Variants in CHSY1 observed in about 807,000 individuals in gnomAD.
CHSY1 encodes the protein N-acetylgalactosaminyl-proteoglycan 3-beta-glucuronosyltransferase 1.
CHSY1 carries 13 observed loss-of-function variants against 59.8 expected under a neutral mutation model. That is an observed-to-expected ratio of 0.22 (90% CI 0.14 to 0.35). CHSY1 has a LOEUF of 0.35. CHSY1 is among the 10% of genes least tolerant of loss of function. The probability of loss-of-function intolerance (pLI) is 1.00; values close to 1 mark genes in which losing one functional copy is unlikely to be tolerated. For missense variants in CHSY1, 947 were observed against 1,030.6 expected, an observed-to-expected ratio of 0.92 and a Z score of 1.11; for synonymous variants, 459 against 401.2, an observed-to-expected ratio of 1.14 and a Z score of -1.72.
chr15:101,198,069 C>T (rs891826351), intron 2 of CHSY1, among the ~76,000 whole-genome samples: 11 of 152,148 alleles, frequency 7.2e-5, no homozygotes, highest in South Asian at 2.1e-4. Flanking sequence ...GGTCTGACTC[C>T]GGCTATCGGG....
At chr15:101,237,597 T>G (rs1289993199) in intron 1 of CHSY1, among the ~76,000 whole-genome samples, 1 of 151,976 alleles carries the variant, frequency 6.6e-6, no homozygotes, top group Non-Finnish European at 1.5e-5. Context: ...GGAAACCACG[T>G]AAAGGGTGTA....
intron 2 of CHSY1, among the ~76,000 whole-genome samples, chr15:101,222,504 CTT>C (rs1250577458): frequency 6.6e-6 from 1 of 152,190 alleles, no homozygotes; most frequent in Non-Finnish European, 1.5e-5. Flanking sequence ...AGAGTGCAGA[CTT>C]TATTCAGATT....
In CHSY1 at chr15:101,251,526, G is replaced by T; in HGVS notation, c.-70C>A. On this transcript the variant is annotated 5_prime_UTR_variant, in exon 1 of 3. Coordinates refer to ENST00000254190, the MANE Select transcript of CHSY1 (RefSeq NM_014918.5). The stretch of plus-strand genomic sequence containing the variant: ...CGCCCTCAGCCCGCTGCCCCCGCCC[G>T]CGGAGGCCAGCCCGCCCTAGCGCCG... 1 of 231,744 alleles carries T rather than the reference G, an allele frequency of 4.3e-6. No homozygotes were observed. The highest frequency in any genetic ancestry group is 6.3e-6 in the Non-Finnish European group (1 of 159,138). The allele number at this position is 231,744 out of a possible 1,614,324, so 14.4% of individuals were successfully genotyped here. A position where few individuals can be genotyped will look rare whatever the true frequency, so the allele number is the denominator to read the frequency against.
chr15:101,213,908 G>A (rs545904901), intron 2 of CHSY1, among the ~76,000 whole-genome samples: 19 of 152,236 alleles, frequency 1.2e-4, no homozygotes, highest in African/African-American at 4.6e-4. Flanking sequence ...TTCCTAATGC[G>A]GTTAAAACAA....
At chr15:101,224,532 AGT>A (rs1206322983) in intron 2 of CHSY1, among the ~76,000 whole-genome samples, 8 of 152,206 alleles carry the variant, frequency 5.3e-5, no homozygotes, top group African/African-American at 1.9e-4. Context: ...AACACTAGCA[AGT>A]GTAAGATTCA....
At chr15:101,203,863 C>G (rs143406871) in intron 2 of CHSY1, among the ~76,000 whole-genome samples, 1 of 152,296 alleles carries the variant, frequency 6.6e-6, no homozygotes, top group Non-Finnish European at 1.5e-5. Flanking sequence ...TTAAAGGGCA[C>G]TTAAAGAGAC....
At chr15:101,200,761 T>C (rs1240431757) in intron 2 of CHSY1, among the ~76,000 whole-genome samples, 1 of 152,188 alleles carries the variant, frequency 6.6e-6, no homozygotes, top group African/African-American at 2.4e-5. Flanking sequence ...AGCCTCACCT[T>C]GCTCTGAACC....
intron 2 of CHSY1, among the ~76,000 whole-genome samples, chr15:101,185,162 G>A (rs1464357713): frequency 1.3e-5 from 2 of 152,208 alleles, no homozygotes; most frequent in Non-Finnish European, 2.9e-5. Context: ...TACCCTCAGC[G>A]TGTGGAATGG....
intron 2 of CHSY1, among the ~76,000 whole-genome samples, chr15:101,206,753 T>G (rs1164434630): frequency 6.6e-6 from 1 of 152,216 alleles, no homozygotes; most frequent in Non-Finnish European, 1.5e-5. Context: ...GAAGCAGCCA[T>G]AATGGCAGAG....
intron 2 of CHSY1, among the ~76,000 whole-genome samples, chr15:101,225,399 T>C (rs2038831294): frequency 6.6e-6 from 1 of 152,168 alleles, no homozygotes; most frequent in African/African-American, 2.4e-5. Context: ...TTGATATACG[T>C]TTTAAAAGGC....
chr15:101,240,995 G>A (rs1252491470), intron 1 of CHSY1, among the ~76,000 whole-genome samples: 2 of 152,130 alleles, frequency 1.3e-5, no homozygotes, highest in Non-Finnish European at 1.5e-5. Flanking sequence ...CTTACCAAGG[G>A]AACAAAAGTA....
At chr15:101,182,994 A>T (rs892102271) in intron 2 of CHSY1, among the ~76,000 whole-genome samples, 1 of 152,080 alleles carries the variant, frequency 6.6e-6, no homozygotes, top group African/African-American at 2.4e-5. Flanking sequence ...AAAAATCTAC[A>T]ATATAGTCAA....
intron 2 of CHSY1, among the ~76,000 whole-genome samples, chr15:101,234,664 C>T (rs1432977848): frequency 2.6e-5 from 4 of 152,162 alleles, no homozygotes; most frequent in African/African-American, 4.8e-5. Flanking sequence ...GTCAAGAGTT[C>T]GAGACCAGCC....
intron 1 of CHSY1, among the ~76,000 whole-genome samples, chr15:101,247,953 T>A (rs2039067656): frequency 6.6e-6 from 1 of 152,212 alleles, no homozygotes; most frequent in African/African-American, 2.4e-5. Context: ...TTCACCTAAA[T>A]TCTGACATTT....
intron 2 of CHSY1, among the ~76,000 whole-genome samples, chr15:101,220,073 A>C (rs566466155): frequency 6.6e-6 from 1 of 152,216 alleles, no homozygotes; most frequent in African/African-American, 2.4e-5. Flanking sequence ...CTTTTTAAAC[A>C]TAATATTCAC....
In CHSY1 at chr15:101,203,544, G is replaced by T. The variant is rs113370431; in HGVS notation, c.817-24564C>A. On this transcript the variant is annotated intron_variant, in intron 2 of 2. Coordinates refer to ENST00000254190, the MANE Select transcript of CHSY1 (RefSeq NM_014918.5). ...ATCATTAACTCAAGTAAAAATTAGT[G>T]GATGATGCTTACAGGAGGAATAGGA... Among the ~76,000 whole-genome samples, 573 of 152,246 alleles carry T rather than the reference G, an allele frequency of 3.8e-3. 2 individuals are homozygous for T. The highest frequency in any genetic ancestry group is 0.013 in the African/African-American group (531 of 41,536).
At chr15:101,186,194 C>T (rs182545871) in intron 2 of CHSY1, among the ~76,000 whole-genome samples, 69 of 150,178 alleles carry the variant, frequency 4.6e-4, no homozygotes, top group African/African-American at 1.6e-3. Flanking sequence ...GTGGCACATG[C>T]CTGAGGTCCC....
chr15:101,211,830 A>G (rs935211497), intron 2 of CHSY1, among the ~76,000 whole-genome samples: 3 of 152,092 alleles, frequency 2.0e-5, no homozygotes, highest in Non-Finnish European at 2.9e-5. Context: ...CAATGGAATG[A>G]TATCTTCCAA....
At chr15:101,213,504 A>C (rs1021428648) in intron 2 of CHSY1, among the ~76,000 whole-genome samples, 1 of 152,352 alleles carries the variant, frequency 6.6e-6, no homozygotes, top group East Asian at 1.9e-4. Context: ...TATTATACTA[A>C]AAGTAAACAG....
Sources: gnomAD v4.1 joint callset for allele counts (sites outside exome capture counted in the v4.1 genomes callset) on GRCh38, gnomAD v4.1.1 for gene constraint, MANE v1.5 for transcripts, NCBI Gene and HGNC (gene_info 2026-07-23, HGNC 2026-07-21) for gene names.